ZNF831: variants seen among roughly 807,000 people sequenced by gnomAD.
ZNF831 encodes the protein zinc finger protein 831.
Under a neutral mutation model 95.8 loss-of-function variants are expected in ZNF831, and 59 were observed. The observed-to-expected ratio is 0.62, with a 90% CI of 0.50 to 0.77. The LOEUF (loss-of-function observed/expected upper bound fraction) is 0.77. Among genes scored for constraint, ZNF831 ranks in the 30% least tolerant of loss-of-function variants. ZNF831 has a pLI of 0.00. For synonymous variants in ZNF831, 961 were observed against 925.5 expected (o/e 1.04, Z -0.70); for missense variants, 2,205 against 2,164.0 (o/e 1.02, Z -0.38).
intron 2 of ZNF831, among the ~76,000 whole-genome samples, chr20:59,149,405 G>T (rs1007671163): frequency 2.0e-5 from 3 of 152,214 alleles, no homozygotes; most frequent in Admixed American, 1.3e-4. Context: ...TCTAATCTCT[G>T]TAATGGCCCC....
Position 59,170,161 on chromosome 20 carries a change from G to A in ZNF831, c.-37+5954G>A, listed in dbSNP as rs1981610935. On this transcript the variant is annotated intron_variant, in intron 1 of 5. Transcript: ENST00000371030. The stretch of plus-strand genomic sequence containing the variant: ...AGTTTATTTTAAAACATTTTTGTGG[G>A]TACATAGTAGGTGTATATATTTGTG... 2.6e-5 allele frequency among the ~76,000 whole-genome samples: 4 copies of A among 152,016 alleles called. 1 individual carries two copies. In the South Asian group the frequency reaches 8.3e-4, roughly 32 times the overall value.
At chr20:59,158,580 G>C (rs1364816836) in intron 2 of ZNF831, among the ~76,000 whole-genome samples, 1 of 152,128 alleles carries the variant, frequency 6.6e-6, no homozygotes, top group Non-Finnish European at 1.5e-5. Context: ...GAGGAGTTTG[G>C]GCTGGAGAGA....
At chr20:59,138,258 C>T (rs1356992636) in intron 1 of ZNF831, among the ~76,000 whole-genome samples, 2 of 152,118 alleles carry the variant, frequency 1.3e-5, no homozygotes, top group African/African-American at 2.4e-5. Context: ...TGTCTGCAGG[C>T]GTTTGAGGTC....
chr20:59,174,297 AG>A (rs1390796738), intron 1 of ZNF831, among the ~76,000 whole-genome samples: 1 of 152,226 alleles, frequency 6.6e-6, no homozygotes, highest in Non-Finnish European at 1.5e-5. Flanking sequence ...TAGGCTGCAC[AG>A]GGAGCACTTT....
In ZNF831 at chr20:59,254,916, C is replaced by T. The variant is rs981306204; in HGVS notation, c.*173C>T. 6.6e-5 allele frequency: 54 copies of T among 823,040 alleles called. No homozygotes were observed. The highest frequency in any genetic ancestry group is 9.4e-5 in the Non-Finnish European group (51 of 540,592). 51.0% of individuals were successfully genotyped at this position (823,040 alleles called of 1,614,324 possible). A position where few individuals can be genotyped will look rare whatever the true frequency, so the allele number is the denominator to read the frequency against. On this transcript the variant is annotated 3_prime_UTR_variant, in exon 6 of 6. Coordinates refer to ENST00000371030, the MANE Select transcript of ZNF831 (RefSeq NM_178457.3). The surrounding 1 kb of genome is among the most constrained non-coding windows in gnomAD (Gnocchi z 4.5). ...ACCAACTTCTGACCCCCAACTCAGC[C>T]GCAGCGTTCCCCAGCTCCCCTTGGG... is the stretch of plus-strand genomic sequence containing the variant.
Position 59,252,980 on chromosome 20 carries a change from C to G in ZNF831, c.4030C>G (p.Leu1344Val). The change falls in exon 5 of 6, where the codon CTG (leucine) becomes GTG (valine). Residue 1344 changes from leucine (L) to valine (V), a missense_variant and splice_region_variant. Coordinates refer to ENST00000371030, the MANE Select transcript of ZNF831 (RefSeq NM_178457.3). ...TAAATGTGCCTCTCCCCTTGCAGGT[C>G]TGAATCTGCAAGAGGAGCCATCTTG... ...PGQTSSEIAG[L>V]NLQEEPSCAT... 6.2e-7 allele frequency: 1 copy of G among 1,613,614 alleles called. No individual in the cohort carries two copies. The highest frequency in any genetic ancestry group is 8.5e-7 in the Non-Finnish European group (1 of 1,179,756).
At chr20:59,224,930 G>A (rs895273580) in intron 4 of ZNF831, among the ~76,000 whole-genome samples, 3 of 151,448 alleles carry the variant, frequency 2.0e-5, no homozygotes, top group African/African-American at 7.3e-5. Flanking sequence ...ATTGCTTCCT[G>A]GATTTGTAGG....
intron 1 of ZNF831, among the ~76,000 whole-genome samples, chr20:59,138,390 G>A (rs1979577867): frequency 6.7e-6 from 1 of 149,516 alleles, no homozygotes; most frequent in African/African-American, 2.4e-5. Flanking sequence ...CATGTTTTAT[G>A]GTGCTGTCTT....
In ZNF831 at chr20:59,232,994, G is replaced by GCACACACA. The variant is rs59267396; in HGVS notation, c.4028-19941_4028-19934dup. Among the ~76,000 whole-genome samples the GCACACACA allele has an allele frequency of 4.6e-3, 572 of 123,074 alleles. 5 individuals are homozygous for GCACACACA. The highest frequency in any genetic ancestry group is 8.9e-3 in the South Asian group (29 of 3,246). 80.7% of individuals were successfully genotyped at this position (123,074 alleles called of 152,430 possible). A position where few individuals can be genotyped will look rare whatever the true frequency, so the allele number is the denominator to read the frequency against. ...TCATTTTATAGGTGAGGACCCTGAG[G>GCACACACA]CACACACACACACACACACACACAC... On this transcript the variant is annotated intron_variant, in intron 4 of 5. Transcript: ENST00000371030.
At chr20:59,147,482 A>G (rs146335543) in intron 2 of ZNF831, among the ~76,000 whole-genome samples, 1 of 152,298 alleles carries the variant, frequency 6.6e-6, no homozygotes, top group East Asian at 1.9e-4. Flanking sequence ...TGGCCCTTGG[A>G]TGTCTGGCCA....
At chr20:59,152,508 G>A (rs545553904) in intron 2 of ZNF831, among the ~76,000 whole-genome samples, 23 of 152,298 alleles carry the variant, frequency 1.5e-4, no homozygotes, top group African/African-American at 3.8e-4. Context: ...GCATCCATCC[G>A]TGCATGCCGG....
At position 59,193,485 on chromosome 20, in the gene ZNF831, G is replaced by A. The variant is rs2146584209; in HGVS notation, c.2466G>A (p.Arg822=). The A allele has an allele frequency of 1.2e-6, 2 of 1,610,792 alleles. No homozygotes were observed. Among genetic ancestry groups the A allele is most frequent in the Non-Finnish European group, 1.7e-6 (2 of 1,178,344 alleles). Residue 822 remains arginine (R), a synonymous_variant, in exon 2 of 6, where the codon AGG becomes AGA. Coordinates refer to ENST00000371030, the MANE Select transcript of ZNF831 (RefSeq NM_178457.3). The part of the protein sequence containing the change: ...GSGEDKLPSE[R]KKLKVEDLHS... ...GGGAGGACAAGCTCCCCTCAGAGAG[G>A]AAGAAGCTGAAAGTGGAGGACCTGC...
chr20:59,124,372 C>G (rs1321663459), intron 1 of ZNF831, among the ~76,000 whole-genome samples: 1 of 152,162 alleles, frequency 6.6e-6, no homozygotes, highest in Non-Finnish European at 1.5e-5. Flanking sequence ...ACTGTCACCT[C>G]TTTTGTCCCT....
chr20:59,204,487 T>C (rs1984744825), intron 3 of ZNF831, among the ~76,000 whole-genome samples: 2 of 152,276 alleles, frequency 1.3e-5, no homozygotes, highest in South Asian at 4.1e-4. Context: ...CTTAGCAGGA[T>C]ACAGAGGCTC....
At chr20:59,157,688 G>A (rs1310855953) in intron 2 of ZNF831, among the ~76,000 whole-genome samples, 2 of 152,150 alleles carry the variant, frequency 1.3e-5, no homozygotes, top group African/African-American at 4.8e-5. Flanking sequence ...GTTGGCAGAG[G>A]CTAATATACA....
intron 1 of ZNF831, among the ~76,000 whole-genome samples, chr20:59,130,027 G>A (rs1384423123): frequency 6.6e-6 from 1 of 152,200 alleles, no homozygotes; most frequent in Non-Finnish European, 1.5e-5. Flanking sequence ...CTTGGGTTGG[G>A]TGTGGTTAGA....
chr20:59,215,461 C>T (rs1313590502), intron 4 of ZNF831, among the ~76,000 whole-genome samples: 1 of 152,246 alleles, frequency 6.6e-6, no homozygotes, highest in Non-Finnish European at 1.5e-5. Flanking sequence ...GCTATATTTC[C>T]AATGGAGATT....
intron 4 of ZNF831, among the ~76,000 whole-genome samples, chr20:59,216,636 GA>G (rs1287228171): frequency 6.6e-6 from 1 of 152,158 alleles, no homozygotes; most frequent in Non-Finnish European, 1.5e-5. Context: ...GTGAGTGGGG[GA>G]CAGGCACATG....
chr20:59,235,629 C>T (rs1049527415), intron 4 of ZNF831, among the ~76,000 whole-genome samples: 7 of 152,120 alleles, frequency 4.6e-5, no homozygotes, highest in East Asian at 1.9e-4. Flanking sequence ...TTAGAATCCT[C>T]GCTGAGAAAA....
Sources: gnomAD v4.1 joint callset for allele counts (sites outside exome capture counted in the v4.1 genomes callset) on GRCh38, gnomAD v4.1.1 for gene constraint, Gnocchi (gnomAD v3.1) non-coding constraint, MANE v1.5 for transcripts, NCBI Gene and HGNC (gene_info 2026-07-23, HGNC 2026-07-21) for gene names.